Variants in EEA1 observed in about 807,000 individuals in gnomAD.
EEA1 encodes the protein early endosome antigen 1, 162kD.
In EEA1, 111 loss-of-function variants were observed where a neutral mutation model predicts 209.2. The ratio of observed to expected loss-of-function variants is 0.53; its 90% CI spans 0.45 to 0.62. EEA1 has a LOEUF of 0.62. Among genes scored for constraint, EEA1 ranks in the 20% least tolerant of loss-of-function variants. The probability of loss-of-function intolerance (pLI) is 0.00; values close to 1 mark genes in which losing one functional copy is unlikely to be tolerated. For missense variants in EEA1, 1,343 were observed against 1,530.8 expected (o/e 0.88, Z 2.05); for synonymous variants, 536 against 540.6 (o/e 0.99, Z 0.12).
At chr12:92,788,457 A>G (rs572557761) in intron 21 of EEA1, among the ~76,000 whole-genome samples, 2 of 152,218 alleles carry the variant, frequency 1.3e-5, no homozygotes, top group South Asian at 2.1e-4. Context: ...GTATTAATAT[A>G]TAGTTTCTAC....
rs1302371369 is a variant in EEA1 at position 92,851,208 on chromosome 12, T to C, written c.701A>G (p.Gln234Arg). 9.3e-6 allele frequency: 15 copies of C among 1,613,878 alleles called. No individual in the cohort carries two copies. The highest frequency in any genetic ancestry group is 1.3e-5 in the Non-Finnish European group (15 of 1,179,940). ...CAAGGTCATGTTATCCATTAGTGTTTGAACTTGGACCAGTTCTTTCTTTAG... is the reference window on the plus strand; with the variant it reads ...CAAGGTCATGTTATCCATTAGTGTTCGAACTTGGACCAGTTCTTTCTTTAG... ...AVLKKELVQV[Q>R]TLMDNMTLER... Residue 234 changes from glutamine (Q) to arginine (R), a missense_variant, in exon 9 of 29, where the codon CAA becomes CGA. This residue lies in a region of EEA1 where 1,307 missense variants were observed against 1,465.5 expected (regional missense o/e 0.89). Transcript: ENST00000322349.
chr12:92,859,626 CA>C (rs1447550875), intron 3 of EEA1, among the ~76,000 whole-genome samples: 2 of 152,146 alleles, frequency 1.3e-5, no homozygotes, highest in Non-Finnish European at 2.9e-5. Context: ...ACAGGTGATC[CA>C]TGTAACTGCC....
rs377375854 is a variant in EEA1, at chr12:92,870,824, A to G, written c.118-5837T>C. Reference sequence around the variant, plus strand: ...TCCCTGTAGCTAGAATTACAGGCACATGCCACCACACCCAGCTAGTTTTTG... The same window carrying G: ...TCCCTGTAGCTAGAATTACAGGCACGTGCCACCACACCCAGCTAGTTTTTG... On this transcript the variant is annotated intron_variant, in intron 2 of 28. Transcript: ENST00000322349. 3.9e-5 allele frequency among the ~76,000 whole-genome samples: 6 copies of G among 152,076 alleles called. 1 individual carries two copies. In the East Asian group the frequency reaches 1.2e-3, roughly 29 times the overall value.
In EEA1 at chr12:92,901,977, C is replaced by T. The variant is rs117827860; in HGVS notation, c.25-10256G>A. 6.2e-4 allele frequency among the ~76,000 whole-genome samples: 95 copies of T among 152,212 alleles called. 1 individual carries two copies. In the East Asian group the frequency reaches 0.017, roughly 28 times the overall value. On this transcript the variant is annotated intron_variant, in intron 1 of 28. Coordinates refer to ENST00000322349, the MANE Select transcript of EEA1 (RefSeq NM_003566.4). Reference sequence around the variant, plus strand: ...AGCATATAAAGCATTCTAACTTTTTCACTTATAAAAGTTTTATTTTGCAAA... The same window carrying T: ...AGCATATAAAGCATTCTAACTTTTTTACTTATAAAAGTTTTATTTTGCAAA...
At chr12:92,879,201 A>ATTTTTTTTTTT (rs34766702) in intron 2 of EEA1, 5 of 234,000 alleles carry the variant, frequency 2.1e-5, no homozygotes, top group African/African-American at 5.0e-5. Flanking sequence ...TGGATTCTGG[A>ATTTTTTTTTTT]TTTTTTTTTT....
intron 10 of EEA1, among the ~76,000 whole-genome samples, chr12:92,834,546 T>TAAAAAAAA (rs5800089): frequency 2.7e-5 from 2 of 74,424 alleles, no homozygotes; most frequent in Non-Finnish European, 4.8e-5. Flanking sequence ...ACCCTGTCAC[T>TAAAAAAAA]AAAAAAAAAA....
chr12:92,822,486 T>C (rs1311063673), intron 13 of EEA1, among the ~76,000 whole-genome samples: 1 of 152,220 alleles, frequency 6.6e-6, no homozygotes, highest in African/African-American at 2.4e-5. Context: ...TCATTTATCA[T>C]ACTGAGCATC....
chr12:92,809,042 T>C lies in EEA1; in HGVS notation c.2314A>G (p.Lys772Glu), dbSNP rs767515694. ...ATTTCCTTCTCCATTTCAAGTTGTT[T>C]ACTCAATTCTGTGGCTCTGAGCTCT... ...DLELRATELS[K>E]QLEMEKEIVS... The change falls in exon 18 of 29, where the codon AAA (lysine) becomes GAA (glutamate). Residue 772 changes from lysine (K) to glutamate (E), a missense_variant. Around this residue, in one of 3 missense-constraint regions of EEA1, gnomAD observed 1,307 missense variants for 1,465.5 expected, o/e 0.89. Transcript: ENST00000322349. The C allele has an allele frequency of 3.8e-6, 6 of 1,598,744 alleles. No homozygotes were observed. The highest frequency in any genetic ancestry group is 5.1e-6 in the Non-Finnish European group (6 of 1,172,484).
In EEA1 at chr12:92,851,071, G is replaced by C. The variant is rs772449355; in HGVS notation, c.798+40C>G. 6 of 1,601,266 alleles carry C rather than the reference G, an allele frequency of 3.7e-6. No individual in the cohort carries two copies. The South Asian group carries it at 6.7e-5, about 18-fold the overall frequency. ...TCACTCAATAGTATACACTACACAA[G>C]CTAATATGAATCACATTTAAGTACA... On this transcript the variant is annotated intron_variant, in intron 9 of 28. Coordinates refer to ENST00000322349, the MANE Select transcript of EEA1 (RefSeq NM_003566.4).
chr12:92,909,555 C>T (rs556911004), intron 1 of EEA1, among the ~76,000 whole-genome samples: 5 of 152,300 alleles, frequency 3.3e-5, no homozygotes, highest in East Asian at 1.9e-4. Context: ...TAGCTGTTAT[C>T]GCTTGAATGT....
At chr12:92,924,193 A>G (rs942321403) in intron 1 of EEA1, among the ~76,000 whole-genome samples, 1 of 148,546 alleles carries the variant, frequency 6.7e-6, no homozygotes, top group Non-Finnish European at 1.5e-5. Flanking sequence ...AGCAGCTAAC[A>G]TTTAAGACTT....
chr12:92,883,729 C>T lies in EEA1; in HGVS notation c.117+7900G>A, dbSNP rs1458730871. ...CAGCTTGTTCTTTTCTGCCCGCGGA[C>T]GCCACTGAAGAAGCATCGTTAAAGT... On this transcript the variant is annotated intron_variant, in intron 2 of 28. Transcript: ENST00000322349. The T allele has an allele frequency of 1.9e-5, 21 of 1,101,768 alleles. No homozygotes were observed. In the Admixed American group the frequency reaches 2.2e-4, roughly 11 times the overall value. 68.2% of individuals were successfully genotyped at this position (1,101,768 alleles called of 1,614,324 possible). A position where few individuals can be genotyped will look rare whatever the true frequency, so the allele number is the denominator to read the frequency against.
intron 21 of EEA1, among the ~76,000 whole-genome samples, chr12:92,797,983 C>T: frequency 6.6e-6 from 1 of 152,058 alleles, no homozygotes; most frequent in Admixed American, 6.6e-5. Context: ...TCTCCATAGA[C>T]CAATTAACAT....
At chr12:92,831,814 G>A (rs927741474) in intron 11 of EEA1, among the ~76,000 whole-genome samples, 13 of 151,386 alleles carry the variant, frequency 8.6e-5, no homozygotes, top group East Asian at 3.9e-4. Flanking sequence ...GGCCGGGCGC[G>A]GTGGCTCACG....
At chr12:92,783,101 C>T (rs1380609368) in intron 22 of EEA1, among the ~76,000 whole-genome samples, 12 of 152,204 alleles carry the variant, frequency 7.9e-5, no homozygotes, top group Admixed American at 7.9e-4. Context: ...AGCAAACTAA[C>T]TGAACCCAAA....
At chr12:92,869,752 C>CAAAAAAAAAAAAAAA (rs71069185) in intron 2 of EEA1, among the ~76,000 whole-genome samples, 2 of 26,792 alleles carry the variant, frequency 7.5e-5, no homozygotes, top group Non-Finnish European at 1.4e-4. Flanking sequence ...GATTCTGCCT[C>CAAAAAAAAAAAAAAA]AAAAAAAAAA....
intron 1 of EEA1, among the ~76,000 whole-genome samples, chr12:92,895,610 T>C (rs1022618794): frequency 1.3e-5 from 2 of 152,182 alleles, no homozygotes; most frequent in African/African-American, 2.4e-5. Flanking sequence ...TAATGTTGTT[T>C]TCATGCCTAT....
chr12:92,777,608 G>C lies in EEA1; in HGVS notation c.3949C>G (p.Gln1317Glu). 1 of 1,612,192 alleles carries C rather than the reference G, an allele frequency of 6.2e-7. No individual in the cohort carries two copies. The highest frequency in any genetic ancestry group is 8.5e-7 in the Non-Finnish European group (1 of 1,178,852). The change falls in exon 27 of 29, where the codon CAA becomes GAA. Residue 1317 changes from glutamine (Q) to glutamate (E), a missense_variant. Coordinates refer to ENST00000322349, the MANE Select transcript of EEA1 (RefSeq NM_003566.4). ...EKLQTKVLEL[Q>E]RKLDNTTAAV... ...GCAGTTGTATTATCCAGCTTTCTTT[G>C]CAATTCTAATACTTTGGTTTGAAGC...
chr12:92,777,953 G>C lies in EEA1; in HGVS notation c.3881C>G (p.Ala1294Gly), dbSNP rs772124217. 9.9e-6 allele frequency: 16 copies of C among 1,611,958 alleles called. 1 individual carries two copies. In the Middle Eastern group the frequency reaches 6.6e-4, roughly 66 times the overall value. ...TVQNNQDERR[A>G]LLERCLKGEG... ...AGATATCAATCACCTTTCCAGTAGT[G>C]CTCTCCTTTCATCTTGATTATTCTG... Residue 1294 changes from alanine (A) to glycine (G), a missense_variant, in exon 26 of 29, where the codon GCA becomes GGA. Ala to Gly is a moderately conservative substitution (Grantham distance 60). Coordinates refer to ENST00000322349, the MANE Select transcript of EEA1 (RefSeq NM_003566.4).
Sources: allele counts gnomAD v4.1 joint callset (sites outside exome capture counted in the v4.1 genomes callset), GRCh38; gene constraint gnomAD v4.1.1; regional missense constraint gnomAD v4.1.1; transcripts MANE v1.5; gene names NCBI Gene and HGNC (gene_info 2026-07-23, HGNC 2026-07-21).